Variants in ZFHX3 observed in about 807,000 individuals in gnomAD.
ZFHX3 encodes zinc finger homeobox 3.
ZFHX3 carries 42 observed loss-of-function variants against 279.1 expected under a neutral mutation model. The ratio of observed to expected loss-of-function variants is 0.15; its 90% CI spans 0.12 to 0.19. ZFHX3 has a LOEUF of 0.19. ZFHX3 is among the 10% of genes least tolerant of loss of function. The pLI is 1.00. For missense variants in ZFHX3, 4,981 were observed against 4,754.0 expected, an observed-to-expected ratio of 1.05 and a Z score of -1.40; for synonymous variants, 2,293 against 1,957.8, an observed-to-expected ratio of 1.17 and a Z score of -4.52.
intron 5 of ZFHX3, among the ~76,000 whole-genome samples, chr16:73,164,093 GA>G (rs1479448901): frequency 6.6e-6 from 1 of 152,174 alleles, no homozygotes; most frequent in African/African-American, 2.4e-5. Flanking sequence ...GAGCCCACAG[GA>G]GAACTTGGCA....
intron 1 of ZFHX3, among the ~76,000 whole-genome samples, chr16:73,025,446 G>A (rs1034141312): frequency 6.6e-6 from 1 of 152,234 alleles, no homozygotes; most frequent in African/African-American, 2.4e-5. Context: ...GCAGCAGTGA[G>A]TTAAGTGTTT....
chr16:73,107,238 A>T (rs1016706640), intron 7 of ZFHX3, among the ~76,000 whole-genome samples: 1 of 152,282 alleles, frequency 6.6e-6, no homozygotes, highest in East Asian at 1.9e-4. Flanking sequence ...TAAATCTAGG[A>T]GGCAGAGGTT....
chr16:73,795,070 C>G (rs534418130), intron 1 of ZFHX3, among the ~76,000 whole-genome samples: 1 of 152,194 alleles, frequency 6.6e-6, no homozygotes, highest in South Asian at 2.1e-4. Context: ...AGTATTGGCT[C>G]AAGCAAACAC....
intron 2 of ZFHX3, among the ~76,000 whole-genome samples, chr16:73,544,411 G>T (rs2020075415): frequency 6.6e-6 from 1 of 152,170 alleles, no homozygotes; most frequent in African/African-American, 2.4e-5. Flanking sequence ...GGCCTGCCGG[G>T]TCCGGAATTC....
chr16:73,426,524 G>C (rs2017812642), intron 3 of ZFHX3, among the ~76,000 whole-genome samples: 1 of 152,112 alleles, frequency 6.6e-6, no homozygotes, highest in Admixed American at 6.5e-5. Context: ...TTTGAATGCA[G>C]TTCTGTAGCC....
rs756454691 is a variant in ZFHX3, at chr16:72,787,378, G to A, written c.10898C>T (p.Pro3633Leu). ...AACCGTTGAAGATGAGGAGAGAGGA[G>A]GAAAAGAAGGGGGCTTCGCTGCCGA... ...RASAAKPPSF[P>L]PLSSSSTVTS... Residue 3633 changes from proline (P) to leucine (L), a missense_variant, in exon 10 of 10, where the codon CCT becomes CTT. This residue lies in a region of ZFHX3 where 1,034 missense variants were observed against 786.0 expected (regional missense o/e 1.32). Coordinates refer to ENST00000268489, the MANE Select transcript of ZFHX3 (RefSeq NM_006885.4). 1.2e-6 allele frequency: 2 copies of A among 1,607,374 alleles called. No homozygotes were observed. The highest frequency in any genetic ancestry group is 1.7e-6 in the Non-Finnish European group (2 of 1,175,216).
chr16:73,287,194 G>A (rs547843408), intron 4 of ZFHX3, among the ~76,000 whole-genome samples: 176 of 147,426 alleles, frequency 1.2e-3, no homozygotes, highest in African/African-American at 4.3e-3. Flanking sequence ...GTGGGTGTGT[G>A]GTCAGTGTAT....
intron 1 of ZFHX3, among the ~76,000 whole-genome samples, chr16:73,810,947 T>G (rs1259392343): frequency 6.6e-6 from 1 of 152,174 alleles, no homozygotes. Context: ...TACTAAATTC[T>G]TCCTTTCTCT....
chr16:73,171,259 G>A (rs1218537056), intron 5 of ZFHX3, among the ~76,000 whole-genome samples: 1 of 152,072 alleles, frequency 6.6e-6, no homozygotes, highest in Admixed American at 6.5e-5. Context: ...GAAAAGAAGT[G>A]CTATTAATAA....
chr16:73,666,232 C>T (rs2052841474), intron 2 of ZFHX3, among the ~76,000 whole-genome samples: 1 of 151,826 alleles, frequency 6.6e-6, no homozygotes, highest in South Asian at 2.1e-4. Context: ...TCTCCATGTC[C>T]TATAAAGCCA....
At chr16:73,453,228 G>C (rs2018309696) in intron 3 of ZFHX3, among the ~76,000 whole-genome samples, 1 of 152,204 alleles carries the variant, frequency 6.6e-6, no homozygotes, top group Admixed American at 6.5e-5. Flanking sequence ...AGTGTGATTT[G>C]TTGTTTCCAA....
chr16:73,542,331 T>C (rs2020032637), intron 2 of ZFHX3, among the ~76,000 whole-genome samples: 1 of 152,288 alleles, frequency 6.6e-6, no homozygotes, highest in Middle Eastern at 3.4e-3. Flanking sequence ...AGTATGGTGA[T>C]GTCAGTGCGA....
At chr16:72,953,738 G>A (rs58670562) in intron 2 of ZFHX3, among the ~76,000 whole-genome samples, 46,353 of 152,006 alleles carry the variant, frequency 0.3, 8,031 homozygotes, top group Middle Eastern at 0.38. Flanking sequence ...ACCCCACTAC[G>A]TCTGGCTGAT....
chr16:72,958,998 G>A lies in ZFHX3; in HGVS notation c.1148C>T (p.Ser383Phe), dbSNP rs757081224. 1 of 1,608,732 alleles carries A rather than the reference G, an allele frequency of 6.2e-7. No homozygotes were observed. Among genetic ancestry groups the A allele is most frequent in the Non-Finnish European group, 8.5e-7 (1 of 1,177,554 alleles). ...CTGGGGCTGCTCGGGGCCAGCGGCGGAGCCCGCTGGGAGAGCTTCCTCCCC... is the reference window on the plus strand; with the variant it reads ...CTGGGGCTGCTCGGGGCCAGCGGCGAAGCCCGCTGGGAGAGCTTCCTCCCC... Reference protein sequence around the residue: ...MEGEEALPAGSAAGPEQPQAG... With the variant: ...MEGEEALPAGFAAGPEQPQAG... The change falls in exon 2 of 10, where the codon TCC (serine) becomes TTC (phenylalanine). Residue 383 changes from serine to phenylalanine, a missense_variant. Ser to Phe is a radical substitution (Grantham distance 155). This residue lies in a region of ZFHX3 where 1,068 missense variants were observed against 935.2 expected (regional missense o/e 1.14). Transcript: ENST00000268489.
At position 72,794,660 on chromosome 16, in the gene ZFHX3, A is replaced by G; in HGVS notation, c.8022T>C (p.Ile2674=). ...GTTTCTTCAAGCCCACCTCGTGTGCAATGTGATCCAACATCTTTCGAGTCG... is the reference window on the plus strand; with the variant it reads ...GTTTCTTCAAGCCCACCTCGTGTGCGATGTGATCCAACATCTTTCGAGTCG... The part of the protein sequence containing the change: ...SNPTRKMLDH[I]AHEVGLKKRV... The change falls in exon 9 of 10, where the codon ATT becomes ATC. Residue 2674 remains isoleucine, a synonymous_variant. Coordinates refer to ENST00000268489, the MANE Select transcript of ZFHX3 (RefSeq NM_006885.4). This position sits in a 1 kb window ranked among gnomAD's most constrained non-coding sequence, Gnocchi z 4.2. The G allele has an allele frequency of 1.9e-6, 3 of 1,614,234 alleles. No homozygotes were observed. Among genetic ancestry groups the G allele is most frequent in the Non-Finnish European group, 2.5e-6 (3 of 1,180,044 alleles).
chr16:73,189,182 G>A (rs984517994), intron 5 of ZFHX3, among the ~76,000 whole-genome samples: 35 of 152,160 alleles, frequency 2.3e-4, no homozygotes, highest in African/African-American at 7.5e-4. Context: ...ATTTCTAAGA[G>A]GCAGTATGTT....
At chr16:73,105,470 G>T (rs1966292194) in intron 7 of ZFHX3, among the ~76,000 whole-genome samples, 3 of 109,242 alleles carry the variant, frequency 2.7e-5, no homozygotes, top group East Asian at 2.6e-4. Context: ...TTTTCCCCCA[G>T]GCCAGGCGTG....
At chr16:73,781,048 T>C (rs1424064787) in intron 1 of ZFHX3, among the ~76,000 whole-genome samples, 1 of 152,168 alleles carries the variant, frequency 6.6e-6, no homozygotes, top group Non-Finnish European at 1.5e-5. Context: ...GTGATTATGA[T>C]GAACAAAAGA....
chr16:72,966,826 G>T (rs1483077153), intron 1 of ZFHX3, among the ~76,000 whole-genome samples: 1 of 152,206 alleles, frequency 6.6e-6, no homozygotes, highest in Non-Finnish European at 1.5e-5. Context: ...AGGAAAGAGA[G>T]GTGGGGTCAC....
Sources: gnomAD v4.1 joint callset for allele counts (sites outside exome capture counted in the v4.1 genomes callset) on GRCh38, gnomAD v4.1.1 for gene constraint, gnomAD v4.1.1 regional missense constraint, Gnocchi (gnomAD v3.1) non-coding constraint, MANE v1.5 for transcripts, NCBI Gene and HGNC (gene_info 2026-07-23, HGNC 2026-07-21) for gene names.